Variants in RMND5B observed in about 807,000 individuals in gnomAD.
RMND5B encodes required for meiotic nuclear division 5 homolog B, also known as E3 ubiquitin-protein transferase RMND5B.
Under a neutral mutation model 50.4 loss-of-function variants are expected in RMND5B, and 42 were observed. The observed-to-expected ratio is 0.83, with a 90% confidence interval of 0.65 to 1.08. The LOEUF is 1.08. RMND5B is among the 50% of genes least tolerant of loss of function. RMND5B has a pLI of 0.00. For missense variants in RMND5B, 463 were observed against 508.5 expected (o/e 0.91, Z 0.86); for synonymous variants, 220 against 210.0 (o/e 1.05, Z -0.41).
At chr5:178,144,218 C>A (rs1755854915) in intron 7 of RMND5B, 110 bp downstream of exon 7, 1 of 1,198,562 alleles carries the variant, frequency 8.3e-7, no homozygotes, top group East Asian at 2.5e-5. Context: ...GTCTGTTACA[C>A]AGATGCCTCT....
At chr5:178,132,859 GTTTTTGTT>G (rs1758407766) in intron 2 of RMND5B, among the ~76,000 whole-genome samples, 1 of 85,148 alleles carries the variant, frequency 1.2e-5, no homozygotes, top group South Asian at 4.2e-4. Context: ...TTTTTTTTTT[GTTTTTGTT>G]TGTTTGTTTG....
chr5:178,142,843 CT>C lies in RMND5B; in HGVS notation c.286-7del, dbSNP rs757516536. ...GCATCACCAGGCCCTGTCTCTCCTC[CT>C]TCGTCAGAACTTCGACTCTGAGATC... On this transcript the variant is annotated splice_region_variant and splice_polypyrimidine_tract_variant and intron_variant, in intron 4 of 10. Transcript: ENST00000313386. The C allele has an allele frequency of 5.6e-6, 9 of 1,612,992 alleles. No individual in the cohort carries two copies. In the African/African-American group the frequency reaches 1.2e-4, roughly 22 times the overall value.
At position 178,142,994 on chromosome 5, in the gene RMND5B, TAC is replaced by T. The variant is rs750923090; in HGVS notation, c.426+4_426+5del. 4.5e-4 allele frequency: 729 copies of T among 1,610,832 alleles called. No individual in the cohort carries two copies. The highest frequency in any genetic ancestry group is 3.8e-4 in the Non-Finnish European group (453 of 1,177,940). ...AGCGTGGCCGAGGAGCTGTGCCAGG[TAC>T]AGTCGGGCTGGGCGGGCGCAACAAC... On this transcript the variant is annotated splice_donor_region_variant and intron_variant, in intron 5 of 10. Transcript: ENST00000313386.
chr5:178,147,477 C>G (rs1254086429), intron 8 of RMND5B, 56 bp from the exon 9 acceptor site: 1 of 1,475,608 alleles, frequency 6.8e-7, no homozygotes, highest in Non-Finnish European at 9.4e-7. Context: ...CGCGCTGGCC[C>G]TTTTTGCCTG....
chr5:178,132,055 G>A (rs919763316), intron 2 of RMND5B, among the ~76,000 whole-genome samples: 1 of 152,138 alleles, frequency 6.6e-6, no homozygotes, highest in African/African-American at 2.4e-5. Context: ...GTTCACGCCC[G>A]TAATTCCAGC....
At chr5:178,140,889 T>A (rs144738717) in intron 3 of RMND5B, among the ~76,000 whole-genome samples, 1 of 152,158 alleles carries the variant, frequency 6.6e-6, no homozygotes, top group Non-Finnish European at 1.5e-5. Context: ...GTCCTGCTCT[T>A]TACCAAATTT....
In RMND5B at chr5:178,137,829, A is replaced by G. The variant is rs1758697039; in HGVS notation, c.-12-279A>G. On this transcript the variant is annotated intron_variant, in intron 2 of 10. Transcript: ENST00000313386. This position sits in a 1 kb window ranked among gnomAD's most constrained non-coding sequence, Gnocchi z 4.4. ...GGAGATGAACAAAAATTAAGGCATG[A>G]AAAGAGTTGAAAATGGAATAATAAT... 6.6e-6 allele frequency among the ~76,000 whole-genome samples: 1 copy of G among 152,200 alleles called. No individual in the cohort carries two copies.
chr5:178,135,798 G>C (rs181666202), intron 2 of RMND5B, among the ~76,000 whole-genome samples: 30 of 152,242 alleles, frequency 2.0e-4, no homozygotes, highest in African/African-American at 7.2e-4. Context: ...TGACAGGGCC[G>C]GATTGTTTGA....
Position 178,149,951 on chromosome 5 carries a change from G to T in RMND5B, c.*1919G>T, listed in dbSNP as rs1756223187. 2.6e-6 allele frequency: 3 copies of T among 1,156,148 alleles called. No individual in the cohort carries two copies. Among genetic ancestry groups the T allele is most frequent in the Non-Finnish European group, 3.7e-6 (3 of 805,778 alleles). 71.6% of individuals were successfully genotyped at this position (1,156,148 alleles called of 1,614,324 possible). On this transcript the variant is annotated 3_prime_UTR_variant, in exon 11 of 11. Transcript: ENST00000313386. Reference sequence around the variant, plus strand: ...CTGGCCCACAACCATGTTCTGTTCGGTCCATGTTCTATTTAAAAGCATCTT... The same window carrying T: ...CTGGCCCACAACCATGTTCTGTTCGTTCCATGTTCTATTTAAAAGCATCTT...
At chr5:178,144,945 T>C (rs1193108996) in intron 7 of RMND5B, among the ~76,000 whole-genome samples, 1 of 152,234 alleles carries the variant, frequency 6.6e-6, no homozygotes, top group Non-Finnish European at 1.5e-5. Context: ...GAGTCTCACC[T>C]ATGCTTACAA....
rs757447918 is a variant in RMND5B at position 178,147,721 on chromosome 5, C to G, written c.964-8C>G. 6 of 1,614,208 alleles carry G rather than the reference C, an allele frequency of 3.7e-6. No homozygotes were observed. Among genetic ancestry groups the G allele is most frequent in the Non-Finnish European group, 5.1e-6 (6 of 1,180,026 alleles). On this transcript the variant is annotated splice_polypyrimidine_tract_variant and splice_region_variant and intron_variant, in intron 9 of 10. Transcript: ENST00000313386. The stretch of plus-strand genomic sequence containing the variant: ...AGTGGAACTCACCCGCTTCGCTGCC[C>G]TTCCCAGATTGAGATTGAACTAGGC...
At position 178,135,718 on chromosome 5, in the gene RMND5B, A is replaced by G. The variant is rs562241043; in HGVS notation, c.-12-2390A>G. 2.1e-4 allele frequency among the ~76,000 whole-genome samples: 32 copies of G among 152,294 alleles called. No individual in the cohort carries two copies. The East Asian group carries it at 6.0e-3, about 28-fold the overall frequency. On this transcript the variant is annotated intron_variant, in intron 2 of 10. Transcript: ENST00000313386. ...CTTCTCAGCCTTTTCGCTGAGATCAAGTGTAGTAAATACAATTTCAAGATG... is the reference window on the plus strand; with the variant it reads ...CTTCTCAGCCTTTTCGCTGAGATCAGGTGTAGTAAATACAATTTCAAGATG...
In RMND5B at chr5:178,147,774, G is replaced by C; in HGVS notation, c.1009G>C (p.Ala337Pro). The C allele has an allele frequency of 6.2e-7, 1 of 1,614,116 alleles. No homozygotes were observed. Among genetic ancestry groups the C allele is most frequent in the Non-Finnish European group, 8.5e-7 (1 of 1,180,034 alleles). The change falls in exon 10 of 11, where the codon GCT (alanine) becomes CCT (proline). Residue 337 changes from alanine (A) to proline (P), a missense_variant. Transcript: ENST00000313386. ...GAAGTGCTGGTACCACTCCGTGTTC[G>C]CTTGCCCCATCCTCCGCCAGCAGAC... The part of the protein sequence containing the change: ...GMKCWYHSVF[A>P]CPILRQQTSD...
rs2113456584 is a variant in RMND5B, at chr5:178,148,349, A to G, written c.*317A>G. ...GGCAAGGGATTTGGTCTTCAGCAGTAGACATCCTTCCACCCCTGCCCTCAG... is the reference window on the plus strand; with the variant it reads ...GGCAAGGGATTTGGTCTTCAGCAGTGGACATCCTTCCACCCCTGCCCTCAG... On this transcript the variant is annotated 3_prime_UTR_variant, in exon 11 of 11. Transcript: ENST00000313386. The G allele has an allele frequency of 2.3e-6, 1 of 426,766 alleles. No individual in the cohort carries two copies. Among genetic ancestry groups the G allele is most frequent in the South Asian group, 2.2e-5 (1 of 45,338 alleles). The allele number at this position is 426,766 out of a possible 1,614,324, so 26.4% of individuals were successfully genotyped here. A position where few individuals can be genotyped will look rare whatever the true frequency, so the allele number is the denominator to read the frequency against.
rs947349169 is a variant in RMND5B at position 178,147,102 on chromosome 5, G to A, written c.861-431G>A. 3.3e-5 allele frequency: 6 copies of A among 180,674 alleles called. No individual in the cohort carries two copies. The East Asian group carries it at 4.5e-4, about 14-fold the overall frequency. The allele number at this position is 180,674 out of a possible 1,614,324, so 11.2% of individuals were successfully genotyped here. A position where few individuals can be genotyped will look rare whatever the true frequency, so the allele number is the denominator to read the frequency against. ...GCTCCCTTCCCCATGCAACTGTCAC[G>A]AGAAGGGAACCCCAACCTCCATTTG... On this transcript the variant is annotated intron_variant, in intron 8 of 10. Coordinates refer to ENST00000313386, the MANE Select transcript of RMND5B (RefSeq NM_022762.5).
At chr5:178,145,720 A>G (rs1291520723) in intron 7 of RMND5B, among the ~76,000 whole-genome samples, 1 of 152,148 alleles carries the variant, frequency 6.6e-6, no homozygotes, top group Non-Finnish European at 1.5e-5. Flanking sequence ...ACATGACTGA[A>G]GTTTTAGCTA....
In RMND5B at chr5:178,149,598, T is replaced by A. The variant is rs1348248802; in HGVS notation, c.*1566T>A. ...GTTAGAGCTGCCTGGGAAGAAGGCG[T>A]GCCTTGGGGAACTGGGAAGATGCCG... On this transcript the variant is annotated 3_prime_UTR_variant, in exon 11 of 11. Transcript: ENST00000313386. 1.4e-6 allele frequency: 2 copies of A among 1,390,650 alleles called. No individual in the cohort carries two copies. Among genetic ancestry groups the A allele is most frequent in the Non-Finnish European group, 2.0e-6 (2 of 997,596 alleles). The allele number at this position is 1,390,650 out of a possible 1,614,324, so 86.1% of individuals were successfully genotyped here. A position where few individuals can be genotyped will look rare whatever the true frequency, so the allele number is the denominator to read the frequency against.
Position 178,149,595 on chromosome 5 carries a change from GCGTGCCTTGGGGAACTGGGAAGATGC to G in RMND5B, c.*1567_*1592del, listed in dbSNP as rs1756206279. ...GCTGTTAGAGCTGCCTGGGAAGAAG[GCGTGCCTTGGGGAACTGGGAAGATGC>G]CGTCAGTGTGGGTGGGCAGGAGGAC... On this transcript the variant is annotated 3_prime_UTR_variant, in exon 11 of 11. Transcript: ENST00000313386. 1 of 1,345,666 alleles carries G rather than the reference GCGTGCCTTGGGGAACTGGGAAGATGC, an allele frequency of 7.4e-7. No individual in the cohort carries two copies. Among genetic ancestry groups the G allele is most frequent in the Non-Finnish European group, 1.0e-6 (1 of 959,604 alleles). 83.4% of individuals were successfully genotyped at this position (1,345,666 alleles called of 1,614,324 possible).
chr5:178,138,232 A>G lies in RMND5B; in HGVS notation c.113A>G (p.Gln38Arg), dbSNP rs148893359. The stretch of plus-strand genomic sequence containing the variant: ...GAGGAGCTGCTGCACTACGTGGGCC[A>G]GCTGCGGGCTGAGCTGGCCAGCGCA... ...SLEELLHYVGQLRAELASAAL... is the reference protein window; with the variant it reads ...SLEELLHYVGRLRAELASAAL... Residue 38 changes from glutamine to arginine, a missense_variant, in exon 3 of 11, where the codon CAG (glutamine) becomes CGG (arginine). Physicochemically the swap from Gln to Arg is conservative, Grantham distance 43. Transcript: ENST00000313386. This position sits in a 1 kb window ranked among gnomAD's most constrained non-coding sequence, Gnocchi z 5.1. The G allele has an allele frequency of 1.2e-6, 2 of 1,613,628 alleles. No individual in the cohort carries two copies. The highest frequency in any genetic ancestry group is 2.7e-5 in the African/African-American group (2 of 74,930).
Sources: gnomAD v4.1 joint callset for allele counts (sites outside exome capture counted in the v4.1 genomes callset) on GRCh38, gnomAD v4.1.1 for gene constraint, Gnocchi (gnomAD v3.1) non-coding constraint, MANE v1.5 for transcripts, NCBI Gene and HGNC (gene_info 2026-07-23, HGNC 2026-07-21) for gene names.